The following ULK4 variants were observed in gnomAD, a reference collection of about 807,000 sequenced individuals.
ULK4 encodes the protein unc-51 like kinase 4.
Under a neutral mutation model 160.6 loss-of-function variants are expected in ULK4, and 133 were observed. That is an observed-to-expected ratio of 0.83 (90% CI 0.72 to 0.96). The LOEUF (loss-of-function observed/expected upper bound fraction) is 0.96. ULK4 is among the 40% of genes least tolerant of loss of function. The probability of loss-of-function intolerance (pLI) is 0.00; values close to 1 mark genes in which losing one functional copy is unlikely to be tolerated. For missense variants in ULK4, 1,580 were observed against 1,499.5 expected (o/e 1.05, Z -0.89); for synonymous variants, 534 against 539.8 (o/e 0.99, Z 0.15).
chr3:41,506,246 C>A (rs1035911673), intron 32 of ULK4, among the ~76,000 whole-genome samples: 1 of 152,102 alleles, frequency 6.6e-6, no homozygotes, highest in Non-Finnish European at 1.5e-5. Context: ...GATGAGAAAA[C>A]CCCAAGGCCC....
At chr3:41,729,685 C>T (rs73069380) in intron 22 of ULK4, among the ~76,000 whole-genome samples, 4,519 of 152,324 alleles carry the variant, frequency 0.03, 88 homozygotes, top group Middle Eastern at 0.048. Flanking sequence ...AGCAGCTGAG[C>T]TGCCAGTCAA....
chr3:41,576,832 C>T (rs2088206185), intron 31 of ULK4, among the ~76,000 whole-genome samples: 1 of 152,162 alleles, frequency 6.6e-6, no homozygotes, highest in Non-Finnish European at 1.5e-5. Flanking sequence ...GCATGGAAAA[C>T]ATATACTCCT....
At chr3:41,868,160 CACAT>C (rs1207565398) in intron 17 of ULK4, among the ~76,000 whole-genome samples, 1 of 152,100 alleles carries the variant, frequency 6.6e-6, no homozygotes, top group Non-Finnish European at 1.5e-5. Flanking sequence ...TCCATGTTCT[CACAT>C]AATTTTTATC....
At chr3:41,441,700 A>AG (rs1253283100) in intron 34 of ULK4, among the ~76,000 whole-genome samples, 4 of 152,236 alleles carry the variant, frequency 2.6e-5, no homozygotes, top group African/African-American at 9.6e-5. Context: ...AATGGCAATC[A>AG]GGTAAAGTTA....
chr3:41,940,320 G>A (rs1026961473), intron 2 of ULK4, among the ~76,000 whole-genome samples: 8 of 152,088 alleles, frequency 5.3e-5, no homozygotes, highest in Middle Eastern at 3.2e-3. Context: ...ATTTGAGACT[G>A]AGCTCCCACC....
chr3:41,552,839 C>T (rs1459628859), intron 32 of ULK4, among the ~76,000 whole-genome samples: 1 of 151,960 alleles, frequency 6.6e-6, no homozygotes, highest in Non-Finnish European at 1.5e-5. Flanking sequence ...CATCATACTA[C>T]CTGACTTCAA....
At chr3:41,775,773 C>A (rs936256615) in intron 21 of ULK4, among the ~76,000 whole-genome samples, 1 of 150,776 alleles carries the variant, frequency 6.6e-6, no homozygotes, top group Non-Finnish European at 1.5e-5. Flanking sequence ...TATTATATCG[C>A]CCATATCCTT....
intron 27 of ULK4, among the ~76,000 whole-genome samples, chr3:41,688,797 A>G (rs1468464011): frequency 6.6e-6 from 1 of 152,122 alleles, no homozygotes; most frequent in Non-Finnish European, 1.5e-5. Flanking sequence ...TTTCTACCTC[A>G]CTTATCTGCT....
chr3:41,899,307 AG>A (rs1698272491), intron 13 of ULK4: 1 of 152,272 alleles, frequency 6.6e-6, no homozygotes, highest in African/African-American at 2.4e-5. Context: ...CAGACCTATA[AG>A]ATGTGAACAT....
chr3:41,844,790 T>TAA (rs35532895), intron 17 of ULK4, among the ~76,000 whole-genome samples: 6 of 125,048 alleles, frequency 4.8e-5, no homozygotes, highest in Non-Finnish European at 6.8e-5. Context: ...GAGGTTTTTC[T>TAA]AAAAAAAAAA....
chr3:41,355,121 T>C (rs2081003452), intron 35 of ULK4, among the ~76,000 whole-genome samples: 1 of 152,180 alleles, frequency 6.6e-6, no homozygotes, highest in Non-Finnish European at 1.5e-5. Context: ...AGAGTGTCTG[T>C]GTATTAAGGA....
chr3:41,641,032 T>C (rs1212342246), intron 30 of ULK4, among the ~76,000 whole-genome samples: 1 of 152,200 alleles, frequency 6.6e-6, no homozygotes, highest in African/African-American at 2.4e-5. Flanking sequence ...TTTGCTCTAA[T>C]CACTGCAGTT....
chr3:41,926,775 T>A (rs1002156618), intron 5 of ULK4, among the ~76,000 whole-genome samples: 3 of 149,246 alleles, frequency 2.0e-5, no homozygotes, highest in Non-Finnish European at 4.4e-5. Flanking sequence ...CTTAATGAAA[T>A]AAAGCGAAAA....
intron 15 of ULK4, 106 bp downstream of exon 15, chr3:41,896,716 A>G: frequency 1.6e-6 from 2 of 1,281,146 alleles, no homozygotes; most frequent in South Asian, 1.7e-5. Context: ...AAATCGTGAT[A>G]AATCAGTTTT....
At chr3:41,818,655 A>C (rs1401760337) in intron 19 of ULK4, among the ~76,000 whole-genome samples, 1 of 152,186 alleles carries the variant, frequency 6.6e-6, no homozygotes, top group East Asian at 1.9e-4. Flanking sequence ...GTTTTTCTAC[A>C]CTTGGAACAT....
intron 16 of ULK4, among the ~76,000 whole-genome samples, chr3:41,887,531 A>G (rs1206323536): frequency 6.6e-6 from 1 of 152,070 alleles, no homozygotes; most frequent in Non-Finnish European, 1.5e-5. Context: ...TGAAATTAGA[A>G]GCACTTCTGC....
At chr3:41,407,638 C>G (rs1480168534) in intron 34 of ULK4, among the ~76,000 whole-genome samples, 1 of 152,168 alleles carries the variant, frequency 6.6e-6, no homozygotes, top group Non-Finnish European at 1.5e-5. Context: ...ATGATCCTCT[C>G]AATAGTCACA....
Position 41,661,699 on chromosome 3 carries a change from T to C in ULK4, c.3071+1908A>G, listed in dbSNP as rs74282513. ...AAGCCAAGGAGATCTCTCGATTTTATTGTTAGAATTTAAGGCAAAAACAGT... is the reference window on the plus strand; with the variant it reads ...AAGCCAAGGAGATCTCTCGATTTTACTGTTAGAATTTAAGGCAAAAACAGT... On this transcript the variant is annotated intron_variant, in intron 30 of 36. Transcript: ENST00000301831. 9.1e-3 allele frequency among the ~76,000 whole-genome samples: 1,385 copies of C among 152,234 alleles called. 89 individuals carry two copies. In the East Asian group the frequency reaches 0.17, roughly 19 times the overall value.
chr3:41,960,582 C>G (rs1044342345), intron 1 of ULK4, among the ~76,000 whole-genome samples: 7 of 152,086 alleles, frequency 4.6e-5, no homozygotes, highest in African/African-American at 1.7e-4. Context: ...CCAGGCTGGT[C>G]TAGAACTCCT....
Sources: gnomAD v4.1 joint callset for allele counts (sites outside exome capture counted in the v4.1 genomes callset) on GRCh38, gnomAD v4.1.1 for gene constraint, MANE v1.5 for transcripts, NCBI Gene and HGNC (gene_info 2026-07-23, HGNC 2026-07-21) for gene names.